PTPRD: variants seen among roughly 807,000 people sequenced by gnomAD.
The protein encoded by PTPRD is receptor-type tyrosine-protein phosphatase delta.
A neutral mutation model predicts 214.5 loss-of-function variants in PTPRD; 34 were observed. The observed-to-expected ratio is 0.16, with a 90% CI of 0.12 to 0.21. PTPRD has a LOEUF of 0.21. Ranked by LOEUF, PTPRD falls within the 10% of genes least tolerant of loss-of-function variation. The pLI is 1.00. For missense variants in PTPRD, 2,545 were observed against 2,398.7 expected (o/e 1.06, Z -1.27); for synonymous variants, 1,128 against 845.7 (o/e 1.33, Z -5.79).
At chr9:9,098,101 TA>T (rs34590293) in intron 10 of PTPRD, among the ~76,000 whole-genome samples, 1 of 151,998 alleles carries the variant, frequency 6.6e-6, no homozygotes. Context: ...TGTGTAATTA[TA>T]AAAAATTAGC....
At chr9:10,288,916 A>T (rs1257988474) in intron 3 of PTPRD, among the ~76,000 whole-genome samples, 2 of 152,160 alleles carry the variant, frequency 1.3e-5, no homozygotes, top group Non-Finnish European at 2.9e-5. Flanking sequence ...ATCTGTACTT[A>T]AAAAAACTGA....
At position 8,572,322 on chromosome 9, in the gene PTPRD, C is replaced by G. The variant is rs185008293; in HGVS notation, c.353-43543G>C. Among the ~76,000 whole-genome samples, 188 of 152,132 alleles carry G rather than the reference C, an allele frequency of 1.2e-3. 1 individual carries two copies. Among genetic ancestry groups the G allele is most frequent in the African/African-American group, 3.9e-3 (162 of 41,532 alleles). ...AGCAAAACCAAACCCTTCCAAATAT[C>G]TTCCATGATATTCTCTTAACATAAA... On this transcript the variant is annotated intron_variant, in intron 14 of 45. Transcript: ENST00000381196.
chr9:10,311,376 G>T (rs138916479), intron 3 of PTPRD, among the ~76,000 whole-genome samples: 1 of 151,980 alleles, frequency 6.6e-6, no homozygotes, highest in Non-Finnish European at 1.5e-5. Flanking sequence ...AAACAAAAAT[G>T]CAATCTCTTC....
intron 11 of PTPRD, among the ~76,000 whole-genome samples, chr9:8,918,258 A>C (rs2098800704): frequency 6.6e-6 from 1 of 152,180 alleles, no homozygotes; most frequent in African/African-American, 2.4e-5. Context: ...ACTGAAATCA[A>C]ACTCTTAAAA....
At chr9:9,128,071 G>T (rs2099836813) in intron 10 of PTPRD, among the ~76,000 whole-genome samples, 1 of 152,056 alleles carries the variant, frequency 6.6e-6, no homozygotes, top group Non-Finnish European at 1.5e-5. Flanking sequence ...AAAAAGATGT[G>T]GGCATGACAA....
intron 11 of PTPRD, among the ~76,000 whole-genome samples, chr9:8,903,112 G>A (rs369596458): frequency 1.1e-4 from 17 of 151,564 alleles, no homozygotes; most frequent in South Asian, 2.1e-4. Context: ...TTAAGGCCAC[G>A]TAATAAATAA....
chr9:9,939,398 G>A (rs1466787689), intron 4 of PTPRD, among the ~76,000 whole-genome samples: 1 of 152,124 alleles, frequency 6.6e-6, no homozygotes, highest in Non-Finnish European at 1.5e-5. Context: ...TCTTCTTGTG[G>A]CTTGTGCAGT....
At chr9:8,981,374 G>A (rs2099311871) in intron 11 of PTPRD, among the ~76,000 whole-genome samples, 1 of 151,934 alleles carries the variant, frequency 6.6e-6, no homozygotes, top group Non-Finnish European at 1.5e-5. Context: ...CAAAACATAT[G>A]TTGCCATTTG....
intron 9 of PTPRD, among the ~76,000 whole-genome samples, chr9:9,223,947 C>A (rs1400115999): frequency 6.6e-6 from 1 of 151,860 alleles, no homozygotes; most frequent in Non-Finnish European, 1.5e-5. Context: ...TTCAGAAGAC[C>A]ATGTTTATGT....
chr9:9,560,286 T>C lies in PTPRD; in HGVS notation c.-237+14446A>G, dbSNP rs560761727. ...TGGGACCACCCCTGGACCTAATAGCTTCTCATGCTCTATTTTCTGGTGGAA... is the reference window on the plus strand; with the variant it reads ...TGGGACCACCCCTGGACCTAATAGCCTCTCATGCTCTATTTTCTGGTGGAA... On this transcript the variant is annotated intron_variant, in intron 8 of 45. Transcript: ENST00000381196. Among the ~76,000 whole-genome samples, 5 of 152,298 alleles carry C rather than the reference T, an allele frequency of 3.3e-5. No individual in the cohort carries two copies. In the East Asian group the frequency reaches 9.6e-4, roughly 29 times the overall value.
At chr9:8,378,673 T>C (rs1166869470) in intron 37 of PTPRD, among the ~76,000 whole-genome samples, 1 of 152,046 alleles carries the variant, frequency 6.6e-6, no homozygotes, top group African/African-American at 2.4e-5. Context: ...AGGACAAATA[T>C]CACTATGATA....
rs775801350 is a variant in PTPRD at position 9,570,014 on chromosome 9, T to C, written c.-237+4718A>G. Among the ~76,000 whole-genome samples the C allele has an allele frequency of 4.9e-4, 74 of 151,406 alleles. 3 individuals carry two copies. Among genetic ancestry groups the C allele is most frequent in the Non-Finnish European group, 1.8e-4 (12 of 67,574 alleles). On this transcript the variant is annotated intron_variant, in intron 8 of 45. Coordinates refer to ENST00000381196, the MANE Select transcript of PTPRD (RefSeq NM_002839.4). ...GTGCTCATCAGAACTAGAACTCCAT[T>C]TTTCCCATATATTTTTTAGGGAAAA...
intron 21 of PTPRD, among the ~76,000 whole-genome samples, chr9:8,513,973 G>T (rs567943395): frequency 1.3e-5 from 2 of 152,166 alleles, no homozygotes; most frequent in South Asian, 2.1e-4. Flanking sequence ...ATGCAAAAAA[G>T]TCAGTTAAAC....
chr9:9,525,020 G>A (rs1406264865), intron 8 of PTPRD, among the ~76,000 whole-genome samples: 1 of 152,132 alleles, frequency 6.6e-6, no homozygotes, highest in Admixed American at 6.5e-5. Flanking sequence ...ACCACGCCCG[G>A]CTAATTTTTT....
intron 9 of PTPRD, among the ~76,000 whole-genome samples, chr9:9,326,586 A>C (rs1341213586): frequency 1.3e-5 from 2 of 152,056 alleles, no homozygotes; most frequent in African/African-American, 2.4e-5. Context: ...AAATGAAAAG[A>C]ATATAAATTA....
At chr9:8,463,447 A>T (rs976754664) in intron 32 of PTPRD, among the ~76,000 whole-genome samples, 1 of 151,584 alleles carries the variant, frequency 6.6e-6, no homozygotes, top group Non-Finnish European at 1.5e-5. Flanking sequence ...TCCATTTTGT[A>T]GGTGATGTTA....
intron 3 of PTPRD, among the ~76,000 whole-genome samples, chr9:10,147,947 A>G (rs1301721824): frequency 6.6e-6 from 1 of 152,192 alleles, no homozygotes; most frequent in African/African-American, 2.4e-5. Flanking sequence ...TGTGGTAGCA[A>G]GGTCTGAGCC....
At chr9:9,901,495 A>C (rs1349933872) in intron 5 of PTPRD, among the ~76,000 whole-genome samples, 1 of 152,150 alleles carries the variant, frequency 6.6e-6, no homozygotes, top group East Asian at 1.9e-4. Context: ...CTGATAAATA[A>C]AATATATTAA....
chr9:9,717,827 C>T lies in PTPRD; in HGVS notation c.-287+16706G>A, dbSNP rs551525353. On this transcript the variant is annotated intron_variant, in intron 7 of 45. Transcript: ENST00000381196. The stretch of plus-strand genomic sequence containing the variant: ...TTTATAAAAATAATATGGGAACATA[C>T]AAACCACTTGATACTTTTATCTGTA... 2.6e-5 allele frequency among the ~76,000 whole-genome samples: 4 copies of T among 152,176 alleles called. No homozygotes were observed. In the South Asian group the frequency reaches 6.2e-4, roughly 24 times the overall value.
Sources: allele counts gnomAD v4.1 joint callset (sites outside exome capture counted in the v4.1 genomes callset), GRCh38; gene constraint gnomAD v4.1.1; transcripts MANE v1.5; gene names NCBI Gene and HGNC (gene_info 2026-07-23, HGNC 2026-07-21).